Variants in EYS observed in about 807,000 individuals in gnomAD.
The protein encoded by EYS is EGF-like photoreceptor maintenance factor.
In EYS, 250 loss-of-function variants were observed where a neutral mutation model predicts 282.1. The ratio of observed to expected loss-of-function variants is 0.89; its 90% CI spans 0.80 to 0.98. The LOEUF is 0.98. Among genes scored for constraint, EYS ranks in the 50% least tolerant of loss-of-function variants. The pLI, the probability that EYS is intolerant of heterozygous loss-of-function variation, is 0.00. For synonymous variants in EYS, 1,355 were observed against 1,282.9 expected (o/e 1.06, Z -1.20); for missense variants, 4,016 against 3,709.0 (o/e 1.08, Z -2.15).
chr6:65,289,786 G>C (rs1044223820), intron 12 of EYS, among the ~76,000 whole-genome samples: 1 of 150,906 alleles, frequency 6.6e-6, no homozygotes, highest in African/African-American at 2.4e-5. Context: ...CCTCTTGGTA[G>C]GTGCTAGAAA....
chr6:64,371,587 A>T (rs1218716942), intron 29 of EYS, among the ~76,000 whole-genome samples: 1 of 152,012 alleles, frequency 6.6e-6, no homozygotes, highest in East Asian at 1.9e-4. Flanking sequence ...TGCCTTGATG[A>T]TCTGTCTAAT....
chr6:65,488,882 T>C (rs1477191261), intron 5 of EYS, among the ~76,000 whole-genome samples: 1 of 152,124 alleles, frequency 6.6e-6, no homozygotes, highest in Non-Finnish European at 1.5e-5. Flanking sequence ...GGGGAAAAGA[T>C]TCTCTATTTA....
At chr6:64,203,706 A>T (rs1488346637) in intron 31 of EYS, among the ~76,000 whole-genome samples, 1 of 152,222 alleles carries the variant, frequency 6.6e-6, no homozygotes, top group African/African-American at 2.4e-5. Context: ...AATACAGAGT[A>T]AGAGGATAAA....
At position 64,995,252 on chromosome 6, in the gene EYS, A is replaced by T. The variant is rs74328169; in HGVS notation, c.2259+2330T>A. On this transcript the variant is annotated intron_variant, in intron 14 of 42. Transcript: ENST00000503581. The stretch of plus-strand genomic sequence containing the variant: ...TTACACTTTATATATGTTGCCCTAC[A>T]TTGTTTCTGAGAAAGTATTTTAAGT... 6.8e-3 allele frequency among the ~76,000 whole-genome samples: 1,032 copies of T among 152,214 alleles called. 11 individuals are homozygous for T. The highest frequency in any genetic ancestry group is 0.023 in the African/African-American group (968 of 41,544).
chr6:64,438,157 T>C (rs1387410145), intron 27 of EYS, among the ~76,000 whole-genome samples: 1 of 151,688 alleles, frequency 6.6e-6, no homozygotes, highest in Non-Finnish European at 1.5e-5. Context: ...CTGCATAACC[T>C]TGGACTTTTG....
In EYS at chr6:65,246,175, T is replaced by A. The variant is rs375894808; in HGVS notation, c.2023+49688A>T. Among the ~76,000 whole-genome samples the A allele has an allele frequency of 1.3e-3, 205 of 152,244 alleles. 1 individual carries two copies. The highest frequency in any genetic ancestry group is 4.5e-3 in the African/African-American group (189 of 41,566). ...ACATGGTGTGTTTACTATGTGTCAG[T>A]GTGTGTACTAAGCACTATGAATAGA... On this transcript the variant is annotated intron_variant, in intron 12 of 42. Coordinates refer to ENST00000503581, the MANE Select transcript of EYS (RefSeq NM_001142800.2).
intron 15 of EYS, among the ~76,000 whole-genome samples, chr6:64,938,424 T>A (rs1320027946): frequency 1.3e-5 from 2 of 151,660 alleles, no homozygotes; most frequent in Non-Finnish European, 3.0e-5. Context: ...GTTATTGTTG[T>A]TAATCTCTTA....
intron 13 of EYS, among the ~76,000 whole-genome samples, chr6:65,048,376 A>G (rs772562378): frequency 2.0e-5 from 3 of 151,870 alleles, no homozygotes; most frequent in African/African-American, 4.8e-5. Flanking sequence ...TTTCACACCA[A>G]ATCACATTGG....
intron 12 of EYS, among the ~76,000 whole-genome samples, chr6:65,165,635 T>A (rs1764954818): frequency 2.0e-5 from 3 of 151,066 alleles, no homozygotes; most frequent in Non-Finnish European, 4.4e-5. Flanking sequence ...CAAAAGAAAA[T>A]CCTCAGCTAC....
chr6:65,414,081 A>C (rs1767134177), intron 5 of EYS, among the ~76,000 whole-genome samples: 1 of 152,154 alleles, frequency 6.6e-6, no homozygotes, highest in African/African-American at 2.4e-5. Flanking sequence ...GATTCTCAAT[A>C]AATATTTGGT....
chr6:64,386,393 T>C (rs571818804), intron 29 of EYS, among the ~76,000 whole-genome samples: 37 of 152,276 alleles, frequency 2.4e-4, no homozygotes, highest in Middle Eastern at 3.4e-3. Flanking sequence ...TCACGTCTTA[T>C]ATGGCATCAG....
At chr6:64,128,560 G>C (rs962150929) in intron 31 of EYS, among the ~76,000 whole-genome samples, 1 of 152,032 alleles carries the variant, frequency 6.6e-6, no homozygotes, top group Non-Finnish European at 1.5e-5. Flanking sequence ...AGAAATGTAA[G>C]GGCTGTCAAC....
intron 31 of EYS, among the ~76,000 whole-genome samples, chr6:64,174,166 A>C (rs1163891941): frequency 6.6e-6 from 1 of 152,130 alleles, no homozygotes. Flanking sequence ...ATATGTCTTT[A>C]AATAAAATAT....
intron 19 of EYS, among the ~76,000 whole-genome samples, chr6:64,852,403 T>A (rs750648779): frequency 9.9e-5 from 15 of 152,132 alleles, no homozygotes; most frequent in Non-Finnish European, 2.1e-4. Context: ...GGATGTTTCC[T>A]GCCCTCAAAC....
At chr6:63,964,244 G>T (rs1766203947) in intron 35 of EYS, among the ~76,000 whole-genome samples, 1 of 152,164 alleles carries the variant, frequency 6.6e-6, no homozygotes, top group African/African-American at 2.4e-5. Flanking sequence ...TATTGTATAA[G>T]TCAGCAGCTG....
chr6:63,860,420 A>G (rs1772504634), intron 36 of EYS, among the ~76,000 whole-genome samples: 1 of 152,220 alleles, frequency 6.6e-6, no homozygotes, highest in Non-Finnish European at 1.5e-5. Context: ...ATGGCAATCT[A>G]GAAGTGTGGG....
chr6:65,052,564 G>A (rs1216429817), intron 13 of EYS, among the ~76,000 whole-genome samples: 1 of 151,516 alleles, frequency 6.6e-6, no homozygotes, highest in Non-Finnish European at 1.5e-5. Context: ...ATAGAAAATT[G>A]TGGTATCCGA....
chr6:64,221,953 T>C (rs1475640259), intron 31 of EYS, among the ~76,000 whole-genome samples: 3 of 151,884 alleles, frequency 2.0e-5, no homozygotes, highest in African/African-American at 7.3e-5. Flanking sequence ...ACTACTGTAA[T>C]CTTCAGAAAC....
intron 26 of EYS, among the ~76,000 whole-genome samples, chr6:64,457,636 T>G (rs1775597870): frequency 6.6e-6 from 1 of 152,078 alleles, no homozygotes; most frequent in Non-Finnish European, 1.5e-5. Context: ...ACGTCATTTT[T>G]GAATTAAAAT....
Sources: gnomAD v4.1 joint callset for allele counts (sites outside exome capture counted in the v4.1 genomes callset) on GRCh38, gnomAD v4.1.1 for gene constraint, MANE v1.5 for transcripts, NCBI Gene and HGNC (gene_info 2026-07-23, HGNC 2026-07-21) for gene names.